NRXN3: variants seen among roughly 807,000 people sequenced by gnomAD.
NRXN3 encodes neurexin III.
NRXN3 carries 32 observed loss-of-function variants against 137.6 expected under a neutral mutation model. The observed-to-expected ratio is 0.23, with a 90% CI of 0.18 to 0.31. The LOEUF (loss-of-function observed/expected upper bound fraction) is 0.31, where lower values mean the gene tolerates loss of function less well. Ranked by LOEUF, NRXN3 falls within the 10% of genes least tolerant of loss-of-function variation. NRXN3 has a pLI of 1.00. For synonymous variants in NRXN3, 798 were observed against 784.5 expected (o/e 1.02, Z -0.29); for missense variants, 1,574 against 2,062.5 (o/e 0.76, Z 4.59).
chr14:79,504,851 A>T (rs1368878543), intron 16 of NRXN3, among the ~76,000 whole-genome samples: 1 of 151,936 alleles, frequency 6.6e-6, no homozygotes, highest in Non-Finnish European at 1.5e-5. Context: ...AAGTAAAATT[A>T]TTATCATTTT....
At position 78,987,841 on chromosome 14, in the gene NRXN3, G is replaced by A. The variant is rs115659690; in HGVS notation, c.3143-181G>A. ...AGTTTGTGGCTAAGTGTGTATTTCC[G>A]TCATCTTTTGTATATACTGAGTTCT... On this transcript the variant is annotated intron_variant, in intron 14 of 20. Transcript: ENST00000335750. Among the ~76,000 whole-genome samples, 1,143 of 152,210 alleles carry A rather than the reference G, an allele frequency of 7.5e-3. 11 individuals are homozygous for A. The highest frequency in any genetic ancestry group is 0.026 in the African/African-American group (1,089 of 41,538).
At chr14:78,855,211 T>C (rs1213956072) in intron 10 of NRXN3, among the ~76,000 whole-genome samples, 1 of 152,058 alleles carries the variant, frequency 6.6e-6, no homozygotes, top group African/African-American at 2.4e-5. Flanking sequence ...TAGCCCTTTT[T>C]CTTCATAAGG....
At chr14:78,808,484 T>C (rs1411537918) in intron 9 of NRXN3, among the ~76,000 whole-genome samples, 2 of 152,112 alleles carry the variant, frequency 1.3e-5, no homozygotes, top group Non-Finnish European at 2.9e-5. Context: ...GGAAGGGACA[T>C]TTCTCCAGCT....
Position 78,858,019 on chromosome 14 carries a change from C to T in NRXN3, c.2275+47675C>T, listed in dbSNP as rs184527628. The stretch of plus-strand genomic sequence containing the variant: ...GCTTCTACAGATAGGAAGTAGAATG[C>T]TGTGAAAAGAAGGTACACTTACGAA... On this transcript the variant is annotated intron_variant, in intron 10 of 20. Transcript: ENST00000335750. 7.2e-4 allele frequency among the ~76,000 whole-genome samples: 109 copies of T among 152,144 alleles called. 2 individuals are homozygous for T. Among genetic ancestry groups the T allele is most frequent in the Non-Finnish European group, 5.1e-4 (35 of 68,034 alleles).
intron 4 of NRXN3, among the ~76,000 whole-genome samples, chr14:78,551,738 A>C: frequency 8.1e-6 from 1 of 123,058 alleles, no homozygotes; most frequent in South Asian, 2.6e-4. Flanking sequence ...CTCCTCTTTC[A>C]TCTCCCTTTC....
At chr14:78,561,061 A>T (rs1397460852) in intron 4 of NRXN3, among the ~76,000 whole-genome samples, 2 of 152,176 alleles carry the variant, frequency 1.3e-5, no homozygotes, top group Non-Finnish European at 2.9e-5. Flanking sequence ...TCTTATTCAT[A>T]TTACATGTTT....
At position 78,265,257 on chromosome 14, in the gene NRXN3, G is replaced by A. The variant is rs563480876; in HGVS notation, c.710-13388G>A. 8.3e-4 allele frequency among the ~76,000 whole-genome samples: 126 copies of A among 152,164 alleles called. 1 individual carries two copies. Among genetic ancestry groups the A allele is most frequent in the South Asian group, 3.9e-3 (19 of 4,818 alleles). On this transcript the variant is annotated intron_variant, in intron 2 of 20. Transcript: ENST00000335750. ...TCAAGGTGCACCTGTTTAAAAGTGT[G>A]TAGAGAGGAATGAACTAGGGGAGGT...
intron 11 of NRXN3, among the ~76,000 whole-genome samples, chr14:78,959,249 G>A (rs1175067840): frequency 1.3e-5 from 2 of 151,820 alleles, no homozygotes; most frequent in African/African-American, 2.4e-5. Context: ...GCTGTGTTAA[G>A]CATATCAGCT....
intron 4 of NRXN3, among the ~76,000 whole-genome samples, chr14:78,438,494 C>T (rs549989237): frequency 4.6e-5 from 7 of 152,142 alleles, no homozygotes; most frequent in Non-Finnish European, 8.8e-5. Flanking sequence ...TATAAGAGAA[C>T]AGGTGTTAAG....
intron 15 of NRXN3, among the ~76,000 whole-genome samples, chr14:79,032,140 G>A (rs957752027): frequency 1.3e-5 from 2 of 152,096 alleles, no homozygotes; most frequent in African/African-American, 2.4e-5. Flanking sequence ...CTATCAAAAA[G>A]TCAACTCTAT....
intron 15 of NRXN3, among the ~76,000 whole-genome samples, chr14:79,004,836 T>C (rs2099549012): frequency 6.6e-6 from 1 of 152,188 alleles, no homozygotes; most frequent in Non-Finnish European, 1.5e-5. Flanking sequence ...TGATGTTTCT[T>C]CTTTTAAGGT....
At chr14:79,733,678 T>G (rs1290055974) in intron 19 of NRXN3, among the ~76,000 whole-genome samples, 7 of 147,656 alleles carry the variant, frequency 4.7e-5, no homozygotes, top group African/African-American at 7.3e-5. Flanking sequence ...GTTGTTGTTT[T>G]TTTTTTTTTT....
chr14:78,532,838 T>G (rs76623274), intron 4 of NRXN3, among the ~76,000 whole-genome samples: 1 of 152,028 alleles, frequency 6.6e-6, no homozygotes, highest in African/African-American at 2.4e-5. Flanking sequence ...CCTAGGTCAA[T>G]GATTTATTTT....
At chr14:78,517,344 G>A (rs1485986482) in intron 4 of NRXN3, among the ~76,000 whole-genome samples, 1 of 152,100 alleles carries the variant, frequency 6.6e-6, no homozygotes, top group Non-Finnish European at 1.5e-5. Context: ...ACATGAACAG[G>A]TTCTGTCCTA....
At chr14:79,227,783 T>TTCCTTCCTTCCTTCCC (rs1568684499) in intron 15 of NRXN3, among the ~76,000 whole-genome samples, 2 of 88,356 alleles carry the variant, frequency 2.3e-5, no homozygotes, top group African/African-American at 8.3e-5. Context: ...CCTTCCTTCC[T>TTCCTTCCTTCCTTCCC]TCCCTCCTCC....
At chr14:78,418,991 A>G (rs1273449457) in intron 4 of NRXN3, among the ~76,000 whole-genome samples, 3 of 152,220 alleles carry the variant, frequency 2.0e-5, no homozygotes, top group African/African-American at 7.2e-5. Context: ...TACACTAACA[A>G]GTGCAGCCAA....
At chr14:79,104,727 T>A (rs1270789374) in intron 15 of NRXN3, among the ~76,000 whole-genome samples, 1 of 152,174 alleles carries the variant, frequency 6.6e-6, no homozygotes, top group Non-Finnish European at 1.5e-5. Context: ...CATTTAATCA[T>A]CACTTTCCTA....
rs149434600 is a variant in NRXN3 at position 79,348,698 on chromosome 14, T to TA, written c.3263-118522dup. Among the ~76,000 whole-genome samples, 462 of 152,266 alleles carry TA rather than the reference T, an allele frequency of 3.0e-3. 7 individuals are homozygous for TA. In the South Asian group the frequency reaches 0.045, roughly 15 times the overall value. On this transcript the variant is annotated intron_variant, in intron 15 of 20. Transcript: ENST00000335750. The stretch of plus-strand genomic sequence containing the variant: ...GGCCTAATCTTCTTAATTTGTCACT[T>TA]AGAGTAGGGCAGTCGCCACAATATG...
chr14:79,667,090 C>A (rs961851978), intron 17 of NRXN3, among the ~76,000 whole-genome samples: 2 of 152,004 alleles, frequency 1.3e-5, no homozygotes, highest in African/African-American at 4.8e-5. Context: ...TTTAAAGTAT[C>A]ATGAGAAAAA....
Sources: allele counts gnomAD v4.1 joint callset (sites outside exome capture counted in the v4.1 genomes callset), GRCh38; gene constraint gnomAD v4.1.1; transcripts MANE v1.5; gene names NCBI Gene and HGNC (gene_info 2026-07-23, HGNC 2026-07-21).